Variants in PPP6C observed in about 807,000 individuals in gnomAD.
PPP6C encodes protein phosphatase 6 catalytic subunit.
In PPP6C, 11 loss-of-function variants were observed where a neutral mutation model predicts 39.8. The ratio of observed to expected loss-of-function variants is 0.28; its 90% confidence interval spans 0.17 to 0.46. The LOEUF (loss-of-function observed/expected upper bound fraction) is 0.46, where lower values mean the gene tolerates loss of function less well. Among genes scored for constraint, PPP6C ranks in the 20% least tolerant of loss-of-function variants. PPP6C has a pLI of 1.00. For missense variants in PPP6C, 211 were observed against 373.9 expected (o/e 0.56, Z 3.59); for synonymous variants, 129 against 130.3 (o/e 0.99, Z 0.07).
rs1835924789 is a variant in PPP6C, at chr9:125,151,034, C to T, written c.670-1113G>A. ...CATATTATCACCATGGACCTACATG[C>T]TTCTCAAATTCAGGGCTTTTTTGAT... On this transcript the variant is annotated intron_variant, in intron 6 of 6. Coordinates refer to ENST00000373547, the MANE Select transcript of PPP6C (RefSeq NM_002721.5). The T allele has an allele frequency of 3.6e-6, 5 of 1,372,682 alleles. No homozygotes were observed. The South Asian group carries it at 5.8e-5, about 16-fold the overall frequency. 85.0% of individuals were successfully genotyped at this position (1,372,682 alleles called of 1,614,324 possible). A position where few individuals can be genotyped will look rare whatever the true frequency, so the allele number is the denominator to read the frequency against.
chr9:125,150,768 T>C (rs1835916699), intron 6 of PPP6C: 1 of 718,214 alleles, frequency 1.4e-6, no homozygotes, highest in Non-Finnish European at 2.5e-6. Flanking sequence ...CTAGGAGACC[T>C]GTGTGGAAAT....
chr9:125,182,074 G>C (rs1035728341), intron 1 of PPP6C, among the ~76,000 whole-genome samples: 19 of 152,076 alleles, frequency 1.2e-4, no homozygotes, highest in African/African-American at 4.6e-4. Context: ...CATATGTTTG[G>C]TGCCCAACTA....
chr9:125,163,386 T>A (rs1389836328), intron 2 of PPP6C, among the ~76,000 whole-genome samples: 1 of 152,000 alleles, frequency 6.6e-6, no homozygotes, highest in Non-Finnish European at 1.5e-5. Context: ...GGTAGAAGAG[T>A]GAGTATCCTT....
chr9:125,146,591 T>G lies in PPP6C; in HGVS notation c.*3082A>C, dbSNP rs1057461940. The G allele has an allele frequency of 6.6e-6, 1 of 152,180 alleles. No individual in the cohort carries two copies. Among genetic ancestry groups the G allele is most frequent in the African/African-American group, 2.4e-5 (1 of 41,454 alleles). 9.4% of individuals were successfully genotyped at this position (152,180 alleles called of 1,614,324 possible). A position where few individuals can be genotyped will look rare whatever the true frequency, so the allele number is the denominator to read the frequency against. Reference sequence around the variant, plus strand: ...AACCAAGTGGAGGAATAAGCATTTTTTAATTTCTTATATAAAATGCTAACT... The same window carrying G: ...AACCAAGTGGAGGAATAAGCATTTTGTAATTTCTTATATAAAATGCTAACT... On this transcript the variant is annotated 3_prime_UTR_variant, in exon 7 of 7. Transcript: ENST00000373547.
At chr9:125,183,038 C>A (rs1307506183) in intron 1 of PPP6C, among the ~76,000 whole-genome samples, 1 of 152,072 alleles carries the variant, frequency 6.6e-6, no homozygotes, top group African/African-American at 2.4e-5. Context: ...ATGGCCCAAA[C>A]CAAACTTCCC....
At position 125,154,000 on chromosome 9, in the gene PPP6C, G is replaced by A. The variant is rs756862153; in HGVS notation, c.380-15C>T. On this transcript the variant is annotated splice_polypyrimidine_tract_variant and intron_variant, in intron 4 of 6. Coordinates refer to ENST00000373547, the MANE Select transcript of PPP6C (RefSeq NM_002721.5). ...TTGGCACTCATCTGTGAAAGAAACA[G>A]AAGGGTTTTAATTAATGAATCTGCT... 6.4e-7 allele frequency: 1 copy of A among 1,566,260 alleles called. No individual in the cohort carries two copies. The highest frequency in any genetic ancestry group is 8.8e-7 in the Non-Finnish European group (1 of 1,138,254).
chr9:125,178,017 T>C (rs930758465), intron 1 of PPP6C, among the ~76,000 whole-genome samples: 4 of 152,232 alleles, frequency 2.6e-5, no homozygotes, highest in Non-Finnish European at 5.9e-5. Context: ...TATTTCATTG[T>C]CTGGGTGTAT....
rs761088509 is a variant in PPP6C, at chr9:125,158,289, G to A, written c.331C>T (p.Arg111Ter). ...AKWPDRITLL[R>*]GNHESRQITQ... ...ATCTGTCTACTCTCATGATTTCCTCGCAAAAGTGTAATACGATCAGGCCAT... is the reference window on the plus strand; with the variant it reads ...ATCTGTCTACTCTCATGATTTCCTCACAAAAGTGTAATACGATCAGGCCAT... Residue 111 changes from arginine to a stop codon, truncating the protein, a stop_gained, in exon 4 of 7, where the codon CGA becomes TGA. Coordinates refer to ENST00000373547, the MANE Select transcript of PPP6C (RefSeq NM_002721.5). LOFTEE classifies it high-confidence loss of function. 1.9e-6 allele frequency: 3 copies of A among 1,611,362 alleles called. No homozygotes were observed. The highest frequency in any genetic ancestry group is 1.7e-6 in the Non-Finnish European group (2 of 1,177,640).
rs1165499046 is a variant in PPP6C at position 125,148,162 on chromosome 9, A to G, written c.*1511T>C. 1 of 180,984 alleles carries G rather than the reference A, an allele frequency of 5.5e-6. No homozygotes were observed. The highest frequency in any genetic ancestry group is 1.2e-5 in the Non-Finnish European group (1 of 85,820). 11.2% of individuals were successfully genotyped at this position (180,984 alleles called of 1,614,324 possible). On this transcript the variant is annotated 3_prime_UTR_variant, in exon 7 of 7. Transcript: ENST00000373547. ...TATATGCCAAGAAGCTTAGACTATA[A>G]AGATTTTTATTGCATTTTTAGGTAA... is the stretch of plus-strand genomic sequence containing the variant.
chr9:125,187,825 A>C (rs1829563157), intron 1 of PPP6C, among the ~76,000 whole-genome samples: 1 of 151,960 alleles, frequency 6.6e-6, no homozygotes, highest in Non-Finnish European at 1.5e-5. Context: ...GGAATGTCTG[A>C]AGGACTCAGA....
intron 2 of PPP6C, among the ~76,000 whole-genome samples, chr9:125,166,535 C>CTTTTTTTTT: frequency 7.4e-6 from 1 of 134,466 alleles, no homozygotes; most frequent in Non-Finnish European, 1.6e-5. Flanking sequence ...TTTTCTTTTT[C>CTTTTTTTTT]TTTTTTTTTT....
At chr9:125,163,410 G>A (rs1336690241) in intron 2 of PPP6C, among the ~76,000 whole-genome samples, 5 of 152,012 alleles carry the variant, frequency 3.3e-5, no homozygotes, top group Non-Finnish European at 7.4e-5. Context: ...CTTTTCTATT[G>A]ATGTTTACAG....
chr9:125,159,446 A>G (rs1828807514), intron 3 of PPP6C, among the ~76,000 whole-genome samples: 1 of 151,630 alleles, frequency 6.6e-6, no homozygotes, highest in Non-Finnish European at 1.5e-5. Flanking sequence ...AGCTTAAACA[A>G]TCATCCCACC....
In PPP6C at chr9:125,147,116, G is replaced by T. The variant is rs1460112648; in HGVS notation, c.*2557C>A. ...AGGTGTTTTAGGATCACACTCAAAT[G>T]AATATAAAGTAGTGAAACTTTTTGG... On this transcript the variant is annotated 3_prime_UTR_variant, in exon 7 of 7. Transcript: ENST00000373547. The T allele has an allele frequency of 1.3e-5, 2 of 152,118 alleles. No homozygotes were observed. The highest frequency in any genetic ancestry group is 1.3e-4 in the Admixed American group (2 of 15,264). 9.4% of individuals were successfully genotyped at this position (152,118 alleles called of 1,614,324 possible).
At chr9:125,189,292 G>A (rs947767408) in intron 1 of PPP6C, among the ~76,000 whole-genome samples, 6 of 152,238 alleles carry the variant, frequency 3.9e-5, no homozygotes, top group Non-Finnish European at 7.4e-5. Context: ...GGGCACTGCC[G>A]CGGGGGCTCG....
chr9:125,186,576 T>C (rs1255276091), intron 1 of PPP6C, among the ~76,000 whole-genome samples: 1 of 151,664 alleles, frequency 6.6e-6, no homozygotes, highest in Admixed American at 6.6e-5. Context: ...CAAGACCCTG[T>C]CTCTACCAAA....
At chr9:125,150,453 G>A (rs1835908325) in intron 6 of PPP6C, among the ~76,000 whole-genome samples, 1 of 125,542 alleles carries the variant, frequency 8.0e-6, no homozygotes. Context: ...TGTTTTAATT[G>A]AAAACAGTTG....
In PPP6C at chr9:125,152,112, G is replaced by A. The variant is rs1588271304; in HGVS notation, c.669+1421C>T. On this transcript the variant is annotated intron_variant, in intron 6 of 6. Coordinates refer to ENST00000373547, the MANE Select transcript of PPP6C (RefSeq NM_002721.5). ...TTGGGCTTGAGCAGCCATGGGGTAG[G>A]GGGTGGGGGGTGGTTGAGGGGGGAG... Among the ~76,000 whole-genome samples the A allele has an allele frequency of 3.9e-5, 6 of 152,222 alleles. No individual in the cohort carries two copies. In the South Asian group the frequency reaches 1.2e-3, roughly 32 times the overall value.
rs1320692265 is a variant in PPP6C, at chr9:125,188,850, A to G, written c.75+794T>C. The G allele has an allele frequency of 4.1e-6, 4 of 983,438 alleles. No homozygotes were observed. In the East Asian group the frequency reaches 9.0e-5, roughly 22 times the overall value. The allele number at this position is 983,438 out of a possible 1,614,324, so 60.9% of individuals were successfully genotyped here. ...AAGTTTTAAAAAAGAAAAGCAGTAT[A>G]CCAAAGTCATTCCTTTACCCATACA... is the stretch of plus-strand genomic sequence containing the variant. On this transcript the variant is annotated intron_variant, in intron 1 of 6. Coordinates refer to ENST00000373547, the MANE Select transcript of PPP6C (RefSeq NM_002721.5).
Sources: gnomAD v4.1 joint callset for allele counts (sites outside exome capture counted in the v4.1 genomes callset) on GRCh38, gnomAD v4.1.1 for gene constraint, MANE v1.5 for transcripts, NCBI Gene and HGNC (gene_info 2026-07-23, HGNC 2026-07-21) for gene names.